Variants in SVIL observed in about 807,000 individuals in gnomAD.
SVIL encodes the protein supervillin.
SVIL carries 101 observed loss-of-function variants against 240.4 expected under a neutral mutation model. That is an observed-to-expected ratio of 0.42 (90% CI 0.36 to 0.50). The LOEUF is 0.50. SVIL is among the 20% of genes least tolerant of loss of function. SVIL has a pLI of 0.01. For synonymous variants in SVIL, 999 were observed against 1,100.0 expected (o/e 0.91, Z 1.82); for missense variants, 2,512 against 2,818.7 (o/e 0.89, Z 2.46).
At position 29,718,620 on chromosome 10, in the gene SVIL, G is replaced by C. The variant is rs372569420; in HGVS notation, c.-400+17131C>G. On this transcript the variant is annotated intron_variant, in intron 1 of 35. Transcript: ENST00000375400. ...GAGCCGAGAATCTGGGGTAGACCCA[G>C]GCCATTAGAATTTGCAGGACCAAGT... 5.8e-3 allele frequency among the ~76,000 whole-genome samples: 889 copies of C among 152,240 alleles called. 10 individuals carry two copies. Among genetic ancestry groups the C allele is most frequent in the South Asian group, 0.049 (238 of 4,818 alleles).
chr10:29,494,458 G>A (rs1162380780), intron 20 of SVIL, among the ~76,000 whole-genome samples: 1 of 152,152 alleles, frequency 6.6e-6, no homozygotes, highest in Non-Finnish European at 1.5e-5. Flanking sequence ...ATAAAAGGCT[G>A]TTTTTGCATA....
At chr10:29,521,452 T>G (rs1335457558) in intron 16 of SVIL, among the ~76,000 whole-genome samples, 3 of 152,158 alleles carry the variant, frequency 2.0e-5, no homozygotes, top group Non-Finnish European at 4.4e-5. Context: ...ACAAGATTTT[T>G]CTTCACCCAG....
Position 29,633,097 on chromosome 10 carries a change from A to T in SVIL, c.-201+1323T>A, listed in dbSNP as rs1247448. Among the ~76,000 whole-genome samples, 74 of 152,156 alleles carry T rather than the reference A, an allele frequency of 4.9e-4. 1 individual carries two copies. The highest frequency in any genetic ancestry group is 6.8e-3 in the Middle Eastern group (2 of 294). ...AAATACAAAAAAAAATTAGCTGGAT[A>T]TGGTGCCAGGTGCCTGTAATCCCAG... On this transcript the variant is annotated intron_variant, in intron 1 of 37. Transcript: ENST00000355867.
chr10:29,521,636 T>C (rs1950569152), intron 16 of SVIL, among the ~76,000 whole-genome samples: 1 of 152,242 alleles, frequency 6.6e-6, no homozygotes, highest in Non-Finnish European at 1.5e-5. Flanking sequence ...TTAGTCACCC[T>C]ACTCTGCTAT....
rs117399961 is a variant in SVIL, at chr10:29,579,729, C to T, written c.-200-10417G>A. On this transcript the variant is annotated intron_variant, in intron 1 of 37. Coordinates refer to ENST00000355867, the MANE Select transcript of SVIL (RefSeq NM_021738.3). ...CACACAAGCACCCCTGCAACGCTGT[C>T]CTTTGAGGCAACTCTCCTTTGGGGG... Among the ~76,000 whole-genome samples, 1,274 of 152,220 alleles carry T rather than the reference C, an allele frequency of 8.4e-3. 5 individuals are homozygous for T. Among genetic ancestry groups the T allele is most frequent in the Non-Finnish European group, 0.013 (903 of 68,006 alleles).
At chr10:29,540,508 G>A (rs1952068017) in intron 6 of SVIL, among the ~76,000 whole-genome samples, 2 of 152,182 alleles carry the variant, frequency 1.3e-5, no homozygotes, top group South Asian at 2.1e-4. Flanking sequence ...GACATTAACT[G>A]CTCACGATCA....
In SVIL at chr10:29,555,122, A is replaced by G. The variant is rs73596050; in HGVS notation, c.-50-14T>C. The G allele has an allele frequency of 4.2e-3, 6,647 of 1,597,294 alleles. 202 individuals are homozygous for G. The African/African-American group carries it at 0.072, about 17-fold the overall frequency. The stretch of plus-strand genomic sequence containing the variant: ...TTAATTCTGCAACTGGAAGAAAACC[A>G]AAAAAGAACAAAATATAGTATTTAG... On this transcript the variant is annotated splice_polypyrimidine_tract_variant and intron_variant, in intron 3 of 37. Transcript: ENST00000355867.
intron 18 of SVIL, chr10:29,496,459 G>T: frequency 2.2e-6 from 1 of 453,614 alleles, no homozygotes. Flanking sequence ...CGTTAACTCC[G>T]CAGCTAATGA....
intron 17 of SVIL, among the ~76,000 whole-genome samples, chr10:29,510,751 G>C (rs4749443): frequency 0.13 from 19,381 of 148,854 alleles, 167 homozygotes; most frequent in East Asian, 0.26. Flanking sequence ...CAGTGGGCAT[G>C]TCAAGCCTCC....
At chr10:29,485,733 T>C (rs890845171) in intron 26 of SVIL, among the ~76,000 whole-genome samples, 6 of 152,258 alleles carry the variant, frequency 3.9e-5, no homozygotes, top group Non-Finnish European at 5.9e-5. Flanking sequence ...CCATAAATTA[T>C]ATATGCATGC....
At chr10:29,722,257 GA>G (rs1209445960) in intron 1 of SVIL, among the ~76,000 whole-genome samples, 3 of 145,428 alleles carry the variant, frequency 2.1e-5, no homozygotes, top group Middle Eastern at 3.7e-3. Context: ...AGAAAAGAAA[GA>G]AAAAAAACTG....
intron 3 of SVIL, among the ~76,000 whole-genome samples, chr10:29,645,382 C>A (rs1313492444): frequency 6.6e-6 from 1 of 152,030 alleles, no homozygotes; most frequent in Non-Finnish European, 1.5e-5. Context: ...CCAGCCTGGC[C>A]AACATGGTGA....
At chr10:29,510,637 G>A (rs1408986521) in intron 17 of SVIL, among the ~76,000 whole-genome samples, 1 of 152,026 alleles carries the variant, frequency 6.6e-6, no homozygotes, top group Non-Finnish European at 1.5e-5. Flanking sequence ...GTACCTCTCC[G>A]TCAGCAAGGC....
intron 29 of SVIL, 71 bp downstream of exon 29, chr10:29,480,466 G>A: frequency 6.4e-7 from 1 of 1,571,940 alleles, no homozygotes; most frequent in Non-Finnish European, 8.7e-7. Flanking sequence ...GGGTTCATTG[G>A]AGAAGCTGGC....
At chr10:29,625,582 G>C (rs905095583) in intron 1 of SVIL, among the ~76,000 whole-genome samples, 1 of 152,064 alleles carries the variant, frequency 6.6e-6, no homozygotes, top group African/African-American at 2.4e-5. Flanking sequence ...TCCTGCCTCA[G>C]CCTCCCGAGT....
chr10:29,494,226 C>T (rs541970667), intron 20 of SVIL, among the ~76,000 whole-genome samples: 7 of 152,334 alleles, frequency 4.6e-5, no homozygotes, highest in Admixed American at 2.0e-4. Context: ...CAATGGCCAT[C>T]GTTTGCTGAC....
At chr10:29,629,453 C>T (rs1482247855) in intron 1 of SVIL, among the ~76,000 whole-genome samples, 1 of 152,166 alleles carries the variant, frequency 6.6e-6, no homozygotes, top group Non-Finnish European at 1.5e-5. Context: ...TGCAGACCTA[C>T]TGAATCAGAC....
At chr10:29,709,113 G>C (rs997149487) in intron 1 of SVIL, among the ~76,000 whole-genome samples, 1 of 152,140 alleles carries the variant, frequency 6.6e-6, no homozygotes, top group Admixed American at 6.5e-5. Context: ...ATGGGGCAGG[G>C]GGAAAAGGAA....
At chr10:29,703,582 C>T (rs1011439369) in intron 1 of SVIL, among the ~76,000 whole-genome samples, 2 of 152,212 alleles carry the variant, frequency 1.3e-5, no homozygotes, top group African/African-American at 4.8e-5. Context: ...AAGGGCCTGG[C>T]CTGGGGCCAG....
Sources: gnomAD v4.1 joint callset for allele counts (sites outside exome capture counted in the v4.1 genomes callset) on GRCh38, gnomAD v4.1.1 for gene constraint, MANE v1.5 for transcripts, NCBI Gene and HGNC (gene_info 2026-07-23, HGNC 2026-07-21) for gene names.